CNGB1: variants seen among roughly 807,000 people sequenced by gnomAD.
CNGB1 encodes the protein cyclic nucleotide-gated channel beta-1.
In CNGB1, 126 loss-of-function variants were observed where a neutral mutation model predicts 151.7. The observed-to-expected ratio is 0.83, with a 90% CI of 0.72 to 0.96. The LOEUF (loss-of-function observed/expected upper bound fraction) is 0.96. CNGB1 is among the 40% of genes least tolerant of loss of function. CNGB1 has a pLI of 0.00. For synonymous variants in CNGB1, 623 were observed against 635.1 expected, an observed-to-expected ratio of 0.98 and a Z score of 0.29; for missense variants, 1,698 against 1,627.0, an observed-to-expected ratio of 1.04 and a Z score of -0.75.
rs937504267 is a variant in CNGB1, at chr16:57,886,226, G to T, written c.3462+1629C>A. ...CCCTGTACTCTGCCATTCTGCCCTG[G>T]TTGTTCTGATTTGGAAGGGAAGTGC... On this transcript the variant is annotated intron_variant, in intron 32 of 32. Coordinates refer to ENST00000251102, the MANE Select transcript of CNGB1 (RefSeq NM_001297.5). Among the ~76,000 whole-genome samples, 3 of 152,116 alleles carry T rather than the reference G, an allele frequency of 2.0e-5. No homozygotes were observed. The South Asian group carries it at 6.2e-4, about 31-fold the overall frequency.
At chr16:57,913,474 T>A (rs9972814) in intron 23 of CNGB1, among the ~76,000 whole-genome samples, 22,780 of 152,126 alleles carry the variant, frequency 0.15, 4,462 homozygotes, top group African/African-American at 0.45. Flanking sequence ...GACTGGCATA[T>A]GCCTTTTTTT....
chr16:57,969,469 T>C (rs1597020245), intron 1 of CNGB1, among the ~76,000 whole-genome samples: 1 of 151,916 alleles, frequency 6.6e-6, no homozygotes, highest in African/African-American at 2.4e-5. Flanking sequence ...ATACAAAAAA[T>C]TAGCCCAGCG....
chr16:57,887,869 C>A lies in CNGB1; in HGVS notation c.3448G>T (p.Glu1150Ter), dbSNP rs756212388. The A allele has an allele frequency of 1.1e-5, 18 of 1,614,184 alleles. No individual in the cohort carries two copies. In the South Asian group the frequency reaches 2.0e-4, roughly 18 times the overall value. Residue 1150 changes from glutamate to a stop codon, truncating the protein, a stop_gained, in exon 32 of 33, where the codon GAG (glutamate) becomes TAG (stop). Coordinates refer to ENST00000251102, the MANE Select transcript of CNGB1 (RefSeq NM_001297.5). LOFTEE classifies it low-confidence loss of function (END_TRUNC). ...AALEAAAKQQELVEQAKSSQD... is the reference protein window; with the variant it reads ...AALEAAAKQQ The stretch of plus-strand genomic sequence containing the variant: ...AACCACATTACCTGTTCCACCAACT[C>A]TTGCTGCTTTGCAGCCGCCTCCAGC...
Position 57,884,342 on chromosome 16 carries a change from G to C in CNGB1, c.3578C>G (p.Pro1193Arg). 2 of 1,558,270 alleles carry C rather than the reference G, an allele frequency of 1.3e-6. No homozygotes were observed. The highest frequency in any genetic ancestry group is 1.8e-5 in the Admixed American group (1 of 54,128). Residue 1193 changes from proline to arginine, a missense_variant, in exon 33 of 33, where the codon CCG (proline) becomes CGG (arginine). Coordinates refer to ENST00000251102, the MANE Select transcript of CNGB1 (RefSeq NM_001297.5). The stretch of plus-strand genomic sequence containing the variant: ...CGGTGGAGAGCTCGGTGGAGACCCC[G>C]GGGGCTCGGGGGGCGTCCGGGGCGC... ...PPAPRTPPEPPGSPPSSPPPA... is the reference protein window; with the variant it reads ...PPAPRTPPEPRGSPPSSPPPA...
intron 25 of CNGB1, among the ~76,000 whole-genome samples, chr16:57,908,996 T>A (rs1209109614): frequency 1.3e-5 from 2 of 152,148 alleles, no homozygotes; most frequent in African/African-American, 4.8e-5. Context: ...AGCCTTAAAA[T>A]GAGGTGCACA....
intron 7 of CNGB1, among the ~76,000 whole-genome samples, chr16:57,962,122 C>A (rs1435242458): frequency 6.6e-6 from 1 of 152,198 alleles, no homozygotes; most frequent in African/African-American, 2.4e-5. Flanking sequence ...TCGCCACAGT[C>A]CCCCTGCCAG....
At position 57,904,807 on chromosome 16, in the gene CNGB1, G is replaced by A. The variant is rs1004263253; in HGVS notation, c.2561C>T (p.Thr854Ile). The A allele has an allele frequency of 6.2e-7, 1 of 1,614,172 alleles. No individual in the cohort carries two copies. The highest frequency in any genetic ancestry group is 8.5e-7 in the Non-Finnish European group (1 of 1,180,030). ...CAGCTGGAAGACAATTTCAAAGAGT[G>A]TCTTGGGGTCAGGCAGCCCCCCGAT... ...ITIGGLPDPK[T>I]LFEIVFQLLN... Residue 854 changes from threonine (T) to isoleucine (I), a missense_variant, in exon 26 of 33, where the codon ACA (threonine) becomes ATA (isoleucine). Physicochemically the swap from Thr to Ile is moderately conservative, Grantham distance 89. Transcript: ENST00000251102.
intron 14 of CNGB1, among the ~76,000 whole-genome samples, chr16:57,943,689 T>C (rs1456903913): frequency 3.9e-5 from 6 of 152,066 alleles, no homozygotes; most frequent in Admixed American, 3.9e-4. Context: ...ATAGCAAGTG[T>C]TGGTGAGGAT....
intron 21 of CNGB1, 113 bp downstream of exon 21, chr16:57,917,155 T>A (rs1315668026): frequency 2.5e-5 from 22 of 895,304 alleles, no homozygotes; most frequent in South Asian, 2.0e-4. Context: ...GTTCTTGAGA[T>A]TTCCTTATTC....
intron 17 of CNGB1, among the ~76,000 whole-genome samples, chr16:57,924,916 C>T (rs568448809): frequency 6.6e-6 from 1 of 152,298 alleles, no homozygotes; most frequent in South Asian, 2.1e-4. Flanking sequence ...TCCCTGAGGC[C>T]TCCCCAGAAG....
chr16:57,923,594 T>G (rs541383912), intron 17 of CNGB1, among the ~76,000 whole-genome samples: 1 of 152,318 alleles, frequency 6.6e-6, no homozygotes, highest in South Asian at 2.1e-4. Context: ...TCTTCCCATC[T>G]GTTAAATGGC....
At chr16:57,902,750 C>T (rs1415522815) in intron 27 of CNGB1, among the ~76,000 whole-genome samples, 1 of 151,770 alleles carries the variant, frequency 6.6e-6, no homozygotes, top group Non-Finnish European at 1.5e-5. Flanking sequence ...AGCTGGGACT[C>T]ACAGGGACGC....
intron 16 of CNGB1, among the ~76,000 whole-genome samples, chr16:57,938,357 G>A (rs1161509768): frequency 6.6e-6 from 1 of 152,172 alleles, no homozygotes; most frequent in Non-Finnish European, 1.5e-5. Flanking sequence ...AGCAAGCTCA[G>A]GATACCCAGG....
chr16:57,964,304 G>A (rs1051704992), intron 3 of CNGB1, 102 bp from the exon 4 acceptor site: 2 of 1,414,658 alleles, frequency 1.4e-6, no homozygotes, highest in Admixed American at 1.8e-5. Context: ...AGACCCCCAG[G>A]GGTCAGAAAG....
chr16:57,965,910 A>ATATATG (rs1962386580), intron 2 of CNGB1, among the ~76,000 whole-genome samples: 1 of 152,224 alleles, frequency 6.6e-6, no homozygotes, highest in Non-Finnish European at 1.5e-5. Flanking sequence ...ACACACAGAC[A>ATATATG]TACCAAGGGC....
chr16:57,904,095 A>G (rs976801689), intron 26 of CNGB1, 114 bp from the exon 27 acceptor site: 79 of 920,940 alleles, frequency 8.6e-5, no homozygotes, highest in Non-Finnish European at 1.3e-4. Flanking sequence ...TGCTCCTGGC[A>G]GGGCGTTGGG....
rs868866545 is a variant in CNGB1 at position 57,946,789 on chromosome 16, C to G, written c.1121+2564G>C. On this transcript the variant is annotated intron_variant, in intron 14 of 32. Transcript: ENST00000251102. Reference sequence around the variant, plus strand: ...TTTTTCTTGCCCTGGGCCTCACACCCTCTGGCCCTGGCCCTGTGATCACCA... The same window carrying G: ...TTTTTCTTGCCCTGGGCCTCACACCGTCTGGCCCTGGCCCTGTGATCACCA... Among the ~76,000 whole-genome samples the G allele has an allele frequency of 1.3e-4, 20 of 152,350 alleles. No homozygotes were observed. In the Middle Eastern group the frequency reaches 0.01, roughly 78 times the overall value.
In CNGB1 at chr16:57,925,471, G is replaced by A. The variant is rs76117562; in HGVS notation, c.1536-2091C>T. 5.0e-3 allele frequency among the ~76,000 whole-genome samples: 762 copies of A among 152,292 alleles called. 9 individuals carry two copies. The highest frequency in any genetic ancestry group is 0.017 in the African/African-American group (723 of 41,562). Reference sequence around the variant, plus strand: ...GGCTGTGGGGACATGAAAATAAAATGCAAGTTGGGAGTGGTAGGACTAGAA... The same window carrying A: ...GGCTGTGGGGACATGAAAATAAAATACAAGTTGGGAGTGGTAGGACTAGAA... On this transcript the variant is annotated intron_variant, in intron 17 of 32. Transcript: ENST00000251102.
rs757082296 is a variant in CNGB1, at chr16:57,967,190, T to C, written c.97A>G (p.Met33Val). ...GGTTCTGGTTCCACCTCCGCCTCCA[T>C]CTCTGGCTCTGGTTCCACTTCCTCT... The part of the protein sequence containing the change: ...EEEEVEPEPE[M>V]EAEVEPEPNP... The change falls in exon 2 of 33, where the codon ATG becomes GTG. Residue 33 changes from methionine (M) to valine (V), a missense_variant. Transcript: ENST00000251102. The C allele has an allele frequency of 6.2e-7, 1 of 1,614,048 alleles. No homozygotes were observed. The highest frequency in any genetic ancestry group is 1.3e-5 in the African/African-American group (1 of 74,924).
Sources: gnomAD v4.1 joint callset for allele counts (sites outside exome capture counted in the v4.1 genomes callset) on GRCh38, gnomAD v4.1.1 for gene constraint, MANE v1.5 for transcripts, NCBI Gene and HGNC (gene_info 2026-07-23, HGNC 2026-07-21) for gene names.